The following RPAIN variants were observed in gnomAD, a reference collection of about 807,000 sequenced individuals.
RPAIN encodes RPA interacting protein.
In RPAIN, 29 loss-of-function variants were observed where a neutral mutation model predicts 30.5. The observed-to-expected ratio is 0.95, with a 90% confidence interval of 0.71 to 1.30. The LOEUF (loss-of-function observed/expected upper bound fraction) is 1.30. Among genes scored for constraint, RPAIN ranks in the 50% most tolerant of loss-of-function variants. RPAIN has a pLI of 0.00. For synonymous variants in RPAIN, 101 were observed against 93.5 expected, an observed-to-expected ratio of 1.08 and a Z score of -0.46; for missense variants, 247 against 264.7, an observed-to-expected ratio of 0.93 and a Z score of 0.46.
rs1314719460 is a variant in RPAIN at position 5,421,309 on chromosome 17, G to C, written c.95G>C (p.Arg32Thr). 2 of 1,611,086 alleles carry C rather than the reference G, an allele frequency of 1.2e-6. No homozygotes were observed. Among genetic ancestry groups the C allele is most frequent in the Admixed American group, 3.4e-5 (2 of 59,332 alleles). Residue 32 changes from arginine to threonine, a missense_variant, in exon 2 of 7, where the codon AGA becomes ACA. By Grantham distance (71) the Arg-to-Thr change is moderately conservative (BLOSUM62 -1). Transcript: ENST00000381209. ...CTTTTTTCCCAGAGATGCCTGGAGA[G>C]AATGAGAAACAGCCGGGACAGGCTC... ...KEAFRQRCLE[R>T]MRNSRDRLLN...
intron 3 of RPAIN, chr17:5,425,570 G>A (rs751956147): frequency 2.9e-6 from 1 of 349,758 alleles, no homozygotes; most frequent in Non-Finnish European, 5.6e-6. Flanking sequence ...TCCTGACCTC[G>A]AGTGATCTGC....
At chr17:5,426,402 C>T in intron 5 of RPAIN, 103 bp downstream of exon 5, 1 of 1,011,692 alleles carries the variant, frequency 9.9e-7, no homozygotes, top group Non-Finnish European at 1.6e-6. Flanking sequence ...CATATTTCTT[C>T]CCAGTTTTAT....
chr17:5,424,112 C>T (rs536047526), intron 3 of RPAIN, among the ~76,000 whole-genome samples: 2 of 151,664 alleles, frequency 1.3e-5, no homozygotes, highest in African/African-American at 2.4e-5. Flanking sequence ...CTCAGCCTCC[C>T]GAGTAGCTGG....
intron 6 of RPAIN, 162 bp from the exon 7 acceptor site, chr17:5,432,380 A>G (rs1916063585): frequency 1.5e-6 from 1 of 651,748 alleles, no homozygotes; most frequent in South Asian, 1.9e-5. Flanking sequence ...AGCAATGCCA[A>G]AGAGGGGCGG....
chr17:5,422,293 AT>A (rs1474279066), intron 2 of RPAIN, among the ~76,000 whole-genome samples: 2 of 152,208 alleles, frequency 1.3e-5, no homozygotes, highest in African/African-American at 4.8e-5. Flanking sequence ...GTGTAAGAAA[AT>A]GTGGGCAACT....
chr17:5,420,746 G>T (rs1597337834), intron 1 of RPAIN, among the ~76,000 whole-genome samples: 1 of 152,198 alleles, frequency 6.6e-6, no homozygotes, highest in Admixed American at 6.5e-5. Flanking sequence ...AAGAAAGATA[G>T]CAGATACAGC....
At chr17:5,424,007 A>T (rs1210933769) in intron 3 of RPAIN, among the ~76,000 whole-genome samples, 2 of 135,692 alleles carry the variant, frequency 1.5e-5, no homozygotes, top group Non-Finnish European at 3.1e-5. Context: ...TTTTTTTTTG[A>T]GATAGGTTCT....
chr17:5,429,198 G>C (rs182385179), intron 6 of RPAIN: 643 of 985,242 alleles, frequency 6.5e-4, no homozygotes, highest in Non-Finnish European at 6.7e-4. Flanking sequence ...GGAGTTCAGA[G>C]GAGGGTGATC....
chr17:5,424,571 G>A (rs1597341643), intron 3 of RPAIN, among the ~76,000 whole-genome samples: 2 of 152,238 alleles, frequency 1.3e-5, no homozygotes, highest in East Asian at 3.8e-4. Context: ...TTATTATGGT[G>A]AGGCAAGAGC....
At chr17:5,423,046 T>G (rs1915027061) in intron 3 of RPAIN, 6 of 450,988 alleles carry the variant, frequency 1.3e-5, no homozygotes, top group Non-Finnish European at 2.3e-5. Context: ...TCTCATTTAA[T>G]GATGCTGTTT....
intron 5 of RPAIN, 21 bp from the exon 6 acceptor site, chr17:5,428,050 T>G: frequency 6.2e-7 from 1 of 1,613,542 alleles, no homozygotes; most frequent in South Asian, 1.1e-5. Flanking sequence ...TGAGAGGAGG[T>G]TGAACTTTTT....
intron 5 of RPAIN, chr17:5,427,570 GCT>G (rs1915521032): frequency 6.5e-6 from 1 of 154,308 alleles, no homozygotes. Flanking sequence ...TAATTCTATA[GCT>G]CTTTTTCTTT....
intron 6 of RPAIN, chr17:5,429,051 C>A: frequency 1.0e-6 from 1 of 983,072 alleles, no homozygotes; most frequent in Non-Finnish European, 1.2e-6. Context: ...TCTACTCATT[C>A]ATTAAAAAAA....
At chr17:5,428,294 T>A in intron 6 of RPAIN, 83 bp downstream of exon 6, 1 of 1,601,526 alleles carries the variant, frequency 6.2e-7, no homozygotes, top group South Asian at 1.1e-5. Flanking sequence ...TAATGACCTA[T>A]AAACAGGTAA....
intron 2 of RPAIN, 81 bp from the exon 3 acceptor site, chr17:5,422,688 C>A: frequency 7.5e-7 from 1 of 1,334,886 alleles, no homozygotes; most frequent in Non-Finnish European, 1.1e-6. Flanking sequence ...TTCTTCAAGC[C>A]AGCCTCCAAG....
intron 3 of RPAIN, 158 bp downstream of exon 3, chr17:5,422,987 C>T: frequency 1.7e-6 from 1 of 596,652 alleles, no homozygotes; most frequent in South Asian, 2.3e-5. Flanking sequence ...GGCTGTCTAG[C>T]TTCTCAATAA....
chr17:5,420,282 T>C lies in RPAIN; in HGVS notation c.72T>C (p.Ala24=). 1 of 1,613,466 alleles carries C rather than the reference T, an allele frequency of 6.2e-7. No individual in the cohort carries two copies. The highest frequency in any genetic ancestry group is 8.5e-7 in the Non-Finnish European group (1 of 1,179,832). ...KLVGSPPWKE[A]FRQRCLERMR... is the part of the protein sequence containing the mutation. ...TGGGCTCGCCGCCTTGGAAAGAGGC[T>C]TTCCGGCAGGTGGGTATGGGGTTTG... Residue 24 remains alanine (A), a synonymous_variant, in exon 1 of 7, where the codon GCT becomes GCC. Transcript: ENST00000381209.
intron 4 of RPAIN, 33 bp downstream of exon 4, chr17:5,426,115 C>A: frequency 1.3e-6 from 2 of 1,572,528 alleles, no homozygotes; most frequent in South Asian, 1.1e-5. Flanking sequence ...CAGCATTATT[C>A]GTTCCCATTC....
intron 5 of RPAIN, chr17:5,426,533 G>A (rs1306035244): frequency 6.3e-6 from 3 of 477,872 alleles, no homozygotes; most frequent in South Asian, 6.5e-5. Context: ...ACCGCTTAAC[G>A]TTTTTATGGA....
Sources: gnomAD v4.1 joint callset for allele counts (sites outside exome capture counted in the v4.1 genomes callset) on GRCh38, gnomAD v4.1.1 for gene constraint, MANE v1.5 for transcripts, NCBI Gene and HGNC (gene_info 2026-07-23, HGNC 2026-07-21) for gene names.